CAMTA1: variants seen among roughly 807,000 people sequenced by gnomAD.
CAMTA1 encodes calmodulin-binding transcription activator 1.
In CAMTA1, 27 loss-of-function variants were observed where a neutral mutation model predicts 170.9. The ratio of observed to expected loss-of-function variants is 0.16; its 90% CI spans 0.12 to 0.22. The LOEUF (loss-of-function observed/expected upper bound fraction) is 0.22. Ranked by LOEUF, CAMTA1 falls within the 10% of genes least tolerant of loss-of-function variation. CAMTA1 has a pLI of 1.00. For missense variants in CAMTA1, 1,619 were observed against 2,217.2 expected (o/e 0.73, Z 5.42); for synonymous variants, 833 against 891.5 (o/e 0.93, Z 1.17).
rs529683051 is a variant in CAMTA1 at position 7,187,373 on chromosome 1, T to C, written c.303-62118T>C. Among the ~76,000 whole-genome samples the C allele has an allele frequency of 2.0e-5, 3 of 152,336 alleles. No homozygotes were observed. The South Asian group carries it at 6.2e-4, about 32-fold the overall frequency. Reference sequence around the variant, plus strand: ...AGAACTACTTTTATGCCCAAGCTCATTTTTTAACATAAAATACACATTCTT... The same window carrying C: ...AGAACTACTTTTATGCCCAAGCTCACTTTTTAACATAAAATACACATTCTT... On this transcript the variant is annotated intron_variant, in intron 4 of 22. Transcript: ENST00000303635.
intron 6 of CAMTA1, among the ~76,000 whole-genome samples, chr1:7,556,163 C>T (rs917954946): frequency 1.8e-4 from 27 of 152,132 alleles, no homozygotes; most frequent in African/African-American, 5.3e-4. Context: ...GTAATTCCTG[C>T]GGGCTCTGGG....
intron 5 of CAMTA1, among the ~76,000 whole-genome samples, chr1:7,344,892 G>T (rs149242714): frequency 6.8e-6 from 1 of 148,060 alleles, no homozygotes; most frequent in Non-Finnish European, 1.5e-5. Flanking sequence ...GACCACAGGC[G>T]CCTGCCACCA....
chr1:7,645,110 C>T (rs1244180566), intron 7 of CAMTA1, among the ~76,000 whole-genome samples: 2 of 152,198 alleles, frequency 1.3e-5, no homozygotes, highest in African/African-American at 2.4e-5. Context: ...GAGTGAGGAG[C>T]TGAAGGGGGA....
intron 3 of CAMTA1, among the ~76,000 whole-genome samples, chr1:6,902,500 T>C (rs190429905): frequency 1.3e-5 from 2 of 152,238 alleles, no homozygotes; most frequent in Non-Finnish European, 2.9e-5. Context: ...GCCAAAATTG[T>C]ATGGGAAGAA....
chr1:7,366,213 G>A (rs1230904113), intron 5 of CAMTA1, among the ~76,000 whole-genome samples: 5 of 152,164 alleles, frequency 3.3e-5, no homozygotes, highest in Admixed American at 3.3e-4. Context: ...GACTCCCAGG[G>A]GCAGAGGGGA....
intron 4 of CAMTA1, among the ~76,000 whole-genome samples, chr1:7,197,678 A>ACACACACT (rs57819326): frequency 0.045 from 6,224 of 139,074 alleles, 391 homozygotes; most frequent in East Asian, 0.1. Flanking sequence ...ACACACACAC[A>ACACACACT]ATCTACTTGC....
At chr1:6,975,785 A>G (rs1693316288) in intron 3 of CAMTA1, among the ~76,000 whole-genome samples, 1 of 151,972 alleles carries the variant, frequency 6.6e-6, no homozygotes, top group Non-Finnish European at 1.5e-5. Context: ...GAAGCCTTGT[A>G]CTCCTCAGCT....
In CAMTA1 at chr1:7,243,172, G is replaced by A. The variant is rs1015491417; in HGVS notation, c.303-6319G>A. Among the ~76,000 whole-genome samples, 12 of 152,186 alleles carry A rather than the reference G, an allele frequency of 7.9e-5. No individual in the cohort carries two copies. The East Asian group carries it at 9.7e-4, about 12-fold the overall frequency. ...CTCATACGTGTTAATAGCTGGTAAC[G>A]CTAGCCCCTATGCCTTGGTCTTCTT... is the stretch of plus-strand genomic sequence containing the variant. On this transcript the variant is annotated intron_variant, in intron 4 of 22. Transcript: ENST00000303635.
chr1:7,655,718 C>T (rs1280574674), intron 7 of CAMTA1, among the ~76,000 whole-genome samples: 2 of 152,044 alleles, frequency 1.3e-5, no homozygotes, highest in African/African-American at 4.8e-5. Flanking sequence ...CATCTATATA[C>T]ACATACACCG....
chr1:7,099,945 A>T (rs376768180), intron 4 of CAMTA1, among the ~76,000 whole-genome samples: 1 of 152,172 alleles, frequency 6.6e-6, no homozygotes, highest in African/African-American at 2.4e-5. Flanking sequence ...TCAGAGAATC[A>T]ATGTGTCTCC....
At chr1:7,142,949 C>G (rs1408990682) in intron 4 of CAMTA1, among the ~76,000 whole-genome samples, 1 of 152,184 alleles carries the variant, frequency 6.6e-6, no homozygotes, top group Non-Finnish European at 1.5e-5. Context: ...CACATTGATT[C>G]TAATTTGGCA....
intron 6 of CAMTA1, among the ~76,000 whole-genome samples, chr1:7,553,914 GC>G (rs936406434): frequency 2.1e-4 from 32 of 152,252 alleles, no homozygotes; most frequent in African/African-American, 7.5e-4. Flanking sequence ...CAACATGACT[GC>G]CCCCCTGCTC....
chr1:7,416,399 A>G (rs900448754), intron 5 of CAMTA1, among the ~76,000 whole-genome samples: 6 of 152,348 alleles, frequency 3.9e-5, no homozygotes, highest in African/African-American at 1.4e-4. Context: ...AGGCACACCA[A>G]TCAGACGTAG....
At chr1:7,605,577 T>A (rs2095479839) in intron 6 of CAMTA1, among the ~76,000 whole-genome samples, 1 of 152,202 alleles carries the variant, frequency 6.6e-6, no homozygotes, top group South Asian at 2.1e-4. Flanking sequence ...CCAGGTGCCA[T>A]CTGTCACCCC....
chr1:7,750,926 T>C, intron 19 of CAMTA1: 1 of 592,466 alleles, frequency 1.7e-6, no homozygotes, highest in Non-Finnish European at 3.1e-6. Flanking sequence ...AGGGTATTGC[T>C]ATTAAAATTT....
chr1:7,635,255 C>A lies in CAMTA1; in HGVS notation c.511-5145C>A, dbSNP rs912013917. Among the ~76,000 whole-genome samples the A allele has an allele frequency of 1.3e-5, 2 of 152,178 alleles. No homozygotes were observed. Among genetic ancestry groups the A allele is most frequent in the African/African-American group, 4.8e-5 (2 of 41,444 alleles). ...GGGCCTGACAGGGTGGTGAACCCCA[C>A]GGAAACATCAGGGCAGCCTGGGCAA... On this transcript the variant is annotated intron_variant, in intron 6 of 22. Coordinates refer to ENST00000303635, the MANE Select transcript of CAMTA1 (RefSeq NM_015215.4). The surrounding 1 kb of genome is among the most constrained non-coding windows in gnomAD (Gnocchi z 4.4).
intron 1 of CAMTA1, among the ~76,000 whole-genome samples, chr1:6,807,539 T>C (rs1441077428): frequency 6.6e-6 from 1 of 151,984 alleles, no homozygotes; most frequent in African/African-American, 2.4e-5. Context: ...GCTAACATGG[T>C]GAAACCCCGT....
At chr1:7,536,392 CT>C (rs757200352) in intron 6 of CAMTA1, among the ~76,000 whole-genome samples, 13 of 152,212 alleles carry the variant, frequency 8.5e-5, no homozygotes, top group Non-Finnish European at 1.6e-4. Context: ...GTGCCTGCCC[CT>C]GGGTTCACTC....
At chr1:6,895,362 A>C (rs1263987292) in intron 3 of CAMTA1, among the ~76,000 whole-genome samples, 1 of 152,144 alleles carries the variant, frequency 6.6e-6, no homozygotes, top group Non-Finnish European at 1.5e-5. Flanking sequence ...ATCTTTGCAC[A>C]TCTCTGCTAG....
Sources: allele counts gnomAD v4.1 joint callset (sites outside exome capture counted in the v4.1 genomes callset), GRCh38; gene constraint gnomAD v4.1.1; non-coding constraint Gnocchi (gnomAD v3.1); transcripts MANE v1.5; gene names NCBI Gene and HGNC (gene_info 2026-07-23, HGNC 2026-07-21).